The following OPCML variants were observed in gnomAD, a reference collection of about 807,000 sequenced individuals.
OPCML encodes opioid-binding protein/cell adhesion molecule.
A neutral mutation model predicts 37.8 loss-of-function variants in OPCML; 13 were observed. The ratio of observed to expected loss-of-function variants is 0.34; its 90% CI spans 0.22 to 0.55. The LOEUF (loss-of-function observed/expected upper bound fraction) is 0.55, where lower values mean the gene tolerates loss of function less well. Among genes scored for constraint, OPCML ranks in the 20% least tolerant of loss-of-function variants. The pLI is 0.91. For missense variants in OPCML, 341 were observed against 435.6 expected (o/e 0.78, Z 1.93); for synonymous variants, 176 against 168.8 (o/e 1.04, Z -0.33).
chr11:133,472,928 C>T (rs1033418494), intron 1 of OPCML, among the ~76,000 whole-genome samples: 2 of 152,016 alleles, frequency 1.3e-5, no homozygotes, highest in African/African-American at 2.4e-5. Context: ...AGTGATCCAG[C>T]GCCCAACCCC....
chr11:133,503,968 G>A (rs758898221), intron 1 of OPCML, among the ~76,000 whole-genome samples: 1 of 152,174 alleles, frequency 6.6e-6, no homozygotes, highest in African/African-American at 2.4e-5. Flanking sequence ...GCAAGACAAG[G>A]ACAAGAGAGC....
intron 1 of OPCML, among the ~76,000 whole-genome samples, chr11:133,225,480 A>T (rs1179535660): frequency 6.6e-6 from 1 of 152,142 alleles, no homozygotes; most frequent in Non-Finnish European, 1.5e-5. Flanking sequence ...CTGATATCAA[A>T]TTCCCCAATG....
intron 1 of OPCML, among the ~76,000 whole-genome samples, chr11:132,962,995 T>C (rs926053728): frequency 6.6e-6 from 1 of 152,148 alleles, no homozygotes; most frequent in East Asian, 1.9e-4. Context: ...CATAGAGGAA[T>C]CTCTGAATGG....
chr11:132,657,353 G>A (rs1264539294), intron 2 of OPCML, 34 bp from the exon 3 acceptor site: 12 of 1,610,024 alleles, frequency 7.5e-6, no homozygotes, highest in Non-Finnish European at 1.0e-5. Context: ...GAGGGAGGAA[G>A]AAGGGAAAGA....
intron 3 of OPCML, among the ~76,000 whole-genome samples, chr11:132,531,141 G>T (rs1216623577): frequency 6.6e-6 from 1 of 152,192 alleles, no homozygotes; most frequent in African/African-American, 2.4e-5. Flanking sequence ...CTACTCCTCA[G>T]TGTAAATCAC....
At chr11:133,091,937 T>G (rs1948913312) in intron 1 of OPCML, among the ~76,000 whole-genome samples, 1 of 152,176 alleles carries the variant, frequency 6.6e-6, no homozygotes, top group Non-Finnish European at 1.5e-5. Context: ...GGCGTAGGGG[T>G]GGAATTTTAT....
chr11:132,420,229 T>A lies in OPCML; in HGVS notation c.981A>T (p.Ser327=), dbSNP rs775446133. The A allele has an allele frequency of 3.7e-6, 6 of 1,613,944 alleles. No homozygotes were observed. Among genetic ancestry groups the A allele is most frequent in the Non-Finnish European group, 5.1e-6 (6 of 1,179,874 alleles). The change falls in exon 8 of 8, where the codon TCA becomes TCT. Residue 327 remains serine, a synonymous_variant. Coordinates refer to ENST00000524381, the MANE Select transcript of OPCML (RefSeq NM_001012393.5). The part of the protein sequence containing the change: ...ASRALACLWL[S]GTLLAHFFIK... ...TGAAGAAGTGGGCTAAGAGGGTCCC[T>A]GATAGCCAGAGACAAGCCAGTGCTC...
At chr11:133,080,586 G>A (rs1447480129) in intron 1 of OPCML, among the ~76,000 whole-genome samples, 4 of 151,354 alleles carry the variant, frequency 2.6e-5, no homozygotes, top group Non-Finnish European at 5.9e-5. Context: ...CCCCAGGTCT[G>A]GGGTGCCATA....
intron 2 of OPCML, among the ~76,000 whole-genome samples, chr11:132,832,553 C>A (rs1940757064): frequency 6.6e-6 from 1 of 152,096 alleles, no homozygotes; most frequent in African/African-American, 2.4e-5. Flanking sequence ...CCAAAAAAGC[C>A]AATGCTTTCT....
rs117475291 is a variant in OPCML, at chr11:132,749,837, C to T, written c.147-92518G>A. Among the ~76,000 whole-genome samples, 86 of 152,176 alleles carry T rather than the reference C, an allele frequency of 5.7e-4. 1 individual carries two copies. Among genetic ancestry groups the T allele is most frequent in the Non-Finnish European group, 8.8e-4 (60 of 68,014 alleles). ...ACAGTTTTTAAAAAGGATAGTGAAA[C>T]CTACTTTAACCATTGAATTTGTTTA... is the stretch of plus-strand genomic sequence containing the variant. On this transcript the variant is annotated intron_variant, in intron 2 of 7. Coordinates refer to ENST00000524381, the MANE Select transcript of OPCML (RefSeq NM_001012393.5).
intron 4 of OPCML, among the ~76,000 whole-genome samples, chr11:132,498,368 C>T (rs1330928115): frequency 6.6e-6 from 1 of 152,186 alleles, no homozygotes; most frequent in East Asian, 1.9e-4. Context: ...CATAGGTTTC[C>T]ATGCTCCCTA....
At chr11:132,585,726 T>C (rs1021305317) in intron 3 of OPCML, among the ~76,000 whole-genome samples, 1 of 152,180 alleles carries the variant, frequency 6.6e-6, no homozygotes, top group African/African-American at 2.4e-5. Flanking sequence ...ATTTGTACAA[T>C]CTAAAGAAAT....
chr11:132,504,999 C>T (rs1385933542), intron 4 of OPCML, among the ~76,000 whole-genome samples: 6 of 152,086 alleles, frequency 3.9e-5, no homozygotes, highest in African/African-American at 1.4e-4. Context: ...TCAAATTCTT[C>T]AACCATTACC....
At chr11:132,960,111 C>T (rs1946060269) in intron 1 of OPCML, among the ~76,000 whole-genome samples, 1 of 152,206 alleles carries the variant, frequency 6.6e-6, no homozygotes, top group South Asian at 2.1e-4. Flanking sequence ...ACTCCTACTA[C>T]TGCCACCGTT....
chr11:132,891,014 T>G (rs1943625759), intron 2 of OPCML, among the ~76,000 whole-genome samples: 1 of 152,190 alleles, frequency 6.6e-6, no homozygotes, highest in South Asian at 2.1e-4. Flanking sequence ...CTTACCTTGT[T>G]TGTGTCCGTC....
intron 2 of OPCML, among the ~76,000 whole-genome samples, chr11:132,795,836 C>A (rs796766714): frequency 6.5e-4 from 99 of 152,334 alleles, no homozygotes; most frequent in African/African-American, 2.3e-3. Context: ...ACTGACTTAG[C>A]CCAGGTCTGC....
Position 133,177,204 on chromosome 11 carries a change from G to A in OPCML, c.62-234194C>T, listed in dbSNP as rs1189605043. Among the ~76,000 whole-genome samples, 3 of 152,238 alleles carry A rather than the reference G, an allele frequency of 2.0e-5. No individual in the cohort carries two copies. The highest frequency in any genetic ancestry group is 1.9e-4 in the East Asian group (1 of 5,202). Reference sequence around the variant, plus strand: ...TGTGAAGGGCTCAGGGCACAGCAACGTGTGTCTGTGTGCCTGTTGATAGCG... The same window carrying A: ...TGTGAAGGGCTCAGGGCACAGCAACATGTGTCTGTGTGCCTGTTGATAGCG... On this transcript the variant is annotated intron_variant, in intron 1 of 7. Transcript: ENST00000524381. The surrounding 1 kb of genome is among the most constrained non-coding windows in gnomAD (Gnocchi z 5.0).
At chr11:132,586,158 C>T (rs2096472162) in intron 3 of OPCML, among the ~76,000 whole-genome samples, 2 of 152,140 alleles carry the variant, frequency 1.3e-5, no homozygotes, top group Admixed American at 1.3e-4. Flanking sequence ...TTTCATTTGC[C>T]TATTAACAGC....
intron 1 of OPCML, among the ~76,000 whole-genome samples, chr11:133,506,595 T>C (rs1948036124): frequency 6.6e-6 from 1 of 152,176 alleles, no homozygotes; most frequent in Non-Finnish European, 1.5e-5. Context: ...CAAATAAGCC[T>C]GAGACAAGGA....
Sources: gnomAD v4.1 joint callset for allele counts (sites outside exome capture counted in the v4.1 genomes callset) on GRCh38, gnomAD v4.1.1 for gene constraint, Gnocchi (gnomAD v3.1) non-coding constraint, MANE v1.5 for transcripts, NCBI Gene and HGNC (gene_info 2026-07-23, HGNC 2026-07-21) for gene names.